The following SSPN variants were observed in gnomAD, a reference collection of about 807,000 sequenced individuals.
SSPN encodes K-ras oncogene-associated protein.
SSPN carries 15 observed loss-of-function variants against 19.1 expected under a neutral mutation model. That is an observed-to-expected ratio of 0.78 (90% CI 0.52 to 1.21). SSPN has a LOEUF of 1.21. Among genes scored for constraint, SSPN ranks in the 50% most tolerant of loss-of-function variants. The pLI is 0.00. For synonymous variants in SSPN, 147 were observed against 140.3 expected (o/e 1.05, Z -0.34); for missense variants, 291 against 314.0 (o/e 0.93, Z 0.55).
rs948989828 is a variant in SSPN, at chr12:26,176,307, T to C, written c.-30-47986T>C. ...CCTTTTATAGATAGAAGACTCATAA[T>C]CATCAGATTGCCATAGAATATTTGA... On this transcript the variant is annotated intron_variant, in intron 1 of 2. Coordinates refer to the SSPN transcript ENST00000538142. 3.3e-5 allele frequency among the ~76,000 whole-genome samples: 5 copies of C among 152,376 alleles called. No individual in the cohort carries two copies. In the East Asian group the frequency reaches 9.6e-4, roughly 29 times the overall value.
At chr12:26,220,443 TATGAC>T (rs1945108082) in intron 1 of SSPN, among the ~76,000 whole-genome samples, 1 of 152,216 alleles carries the variant, frequency 6.6e-6, no homozygotes, top group African/African-American at 2.4e-5. Context: ...GATTTTTAGA[TATGAC>T]ATGACATAGA....
chr12:26,216,052 G>A (rs1393384644), intron 1 of SSPN, among the ~76,000 whole-genome samples: 5 of 152,170 alleles, frequency 3.3e-5, no homozygotes, highest in Non-Finnish European at 7.4e-5. Context: ...TACATGTCAA[G>A]TGTTCAGCAC....
chr12:26,138,450 A>G (rs1462639050), intron 1 of SSPN, among the ~76,000 whole-genome samples: 1 of 152,204 alleles, frequency 6.6e-6, no homozygotes. Flanking sequence ...CATTTTCTAG[A>G]TAGGGGCTAT....
Position 26,195,642 on chromosome 12 carries a change from C to CGGGGGGG in SSPN, c.-31_-30insGGGGGGG. On this transcript the variant is annotated 5_prime_UTR_variant, in exon 1 of 3. Transcript: ENST00000242729. The stretch of plus-strand genomic sequence containing the variant: ...TCCAGGGCCCAGGGCGCCGCACACG[C>CGGGGGGG]ACCCACCCACCCACCCAGCCTCGCA... 7 of 907,502 alleles carry CGGGGGGG rather than the reference C, an allele frequency of 7.7e-6. No homozygotes were observed. Among genetic ancestry groups the CGGGGGGG allele is most frequent in the Non-Finnish European group, 9.7e-6 (7 of 720,050 alleles). The allele number at this position is 907,502 out of a possible 1,614,324, so 56.2% of individuals were successfully genotyped here.
At chr12:26,133,269 C>T (rs1458203717) in intron 1 of SSPN, among the ~76,000 whole-genome samples, 2 of 152,144 alleles carry the variant, frequency 1.3e-5, no homozygotes, top group Non-Finnish European at 2.9e-5. Context: ...GACCTTTAAA[C>T]GAAGAATGCG....
At chr12:26,192,444 G>A (rs1944795013), upstream of SSPN, among the ~76,000 whole-genome samples, 1 of 152,160 alleles carries the variant, frequency 6.6e-6, no homozygotes, top group African/African-American at 2.4e-5. Flanking sequence ...TCAGTGGAAA[G>A]GACATGTAAA....
At chr12:26,133,473 T>C (rs1944407804) in intron 1 of SSPN, among the ~76,000 whole-genome samples, 1 of 152,188 alleles carries the variant, frequency 6.6e-6, no homozygotes, top group Non-Finnish European at 1.5e-5. Context: ...AGTTAGGGTC[T>C]AGTAAGGAAG....
intron 1 of SSPN, among the ~76,000 whole-genome samples, chr12:26,150,433 A>AT (rs1565672771): frequency 1.3e-5 from 2 of 152,144 alleles, no homozygotes; most frequent in East Asian, 3.9e-4. Flanking sequence ...TGGTTTAATT[A>AT]TTTTTTTCAT....
chr12:26,160,087 AG>A (rs1329816309), intron 1 of SSPN, among the ~76,000 whole-genome samples: 5 of 152,196 alleles, frequency 3.3e-5, no homozygotes, highest in African/African-American at 1.2e-4. Flanking sequence ...TTCAGCACAA[AG>A]GTCTGGGGAG....
intron 1 of SSPN, among the ~76,000 whole-genome samples, chr12:26,178,436 T>G (rs1017550374): frequency 1.3e-5 from 2 of 152,118 alleles, no homozygotes; most frequent in African/African-American, 4.8e-5. Flanking sequence ...GATGGAAATC[T>G]GAAGCACAGA....
intron 1 of SSPN, chr12:26,122,581 C>A: frequency 9.0e-7 from 1 of 1,109,448 alleles, no homozygotes; most frequent in Non-Finnish European, 1.1e-6. Context: ...AGCGCGGCCG[C>A]GGCGGCAGGG....
intron 1 of SSPN, among the ~76,000 whole-genome samples, chr12:26,130,402 A>G (rs1007091028): frequency 6.6e-6 from 1 of 152,210 alleles, no homozygotes; most frequent in Non-Finnish European, 1.5e-5. Flanking sequence ...GTTGTCAGTA[A>G]CAGATATTTC....
At chr12:26,192,595 A>G (rs1480941861), upstream of SSPN, among the ~76,000 whole-genome samples, 3 of 152,220 alleles carry the variant, frequency 2.0e-5, no homozygotes, top group Admixed American at 6.5e-5. Flanking sequence ...CCTCGTCACT[A>G]TCATCTTATG....
chr12:26,124,056 A>G (rs1944339890), intron 1 of SSPN: 1 of 1,532,998 alleles, frequency 6.5e-7, no homozygotes, highest in Non-Finnish European at 9.0e-7. Flanking sequence ...GCAAAGAATG[A>G]AAATGTGCAT....
At chr12:26,144,761 A>G (rs533917460) in intron 1 of SSPN, among the ~76,000 whole-genome samples, 5 of 152,354 alleles carry the variant, frequency 3.3e-5, no homozygotes, top group African/African-American at 1.2e-4. Flanking sequence ...TTGAAAGAAT[A>G]GATGGTTTTG....
intron 1 of SSPN, among the ~76,000 whole-genome samples, chr12:26,172,586 T>G (rs1030170810): frequency 4.6e-5 from 7 of 152,244 alleles, no homozygotes; most frequent in African/African-American, 1.4e-4. Flanking sequence ...AAACGGCATT[T>G]GCATTGCTGT....
At chr12:26,154,692 A>G (rs1944545719) in intron 1 of SSPN, among the ~76,000 whole-genome samples, 2 of 152,224 alleles carry the variant, frequency 1.3e-5, no homozygotes, top group Admixed American at 1.3e-4. Context: ...GTAGGTAAAC[A>G]TTTCAGCTGA....
At chr12:26,207,761 CAAG>C (rs1471619274) in intron 1 of SSPN, among the ~76,000 whole-genome samples, 1 of 152,086 alleles carries the variant, frequency 6.6e-6, no homozygotes, top group Non-Finnish European at 1.5e-5. Flanking sequence ...TTTGGGAGGC[CAAG>C]GCGGGAGGAT....
At chr12:26,213,960 G>A (rs1469629764) in intron 1 of SSPN, among the ~76,000 whole-genome samples, 2 of 152,052 alleles carry the variant, frequency 1.3e-5, no homozygotes, top group African/African-American at 4.8e-5. Context: ...CCTGGCACAT[G>A]GTAGTTACAC....
Sources: allele counts gnomAD v4.1 joint callset (sites outside exome capture counted in the v4.1 genomes callset), GRCh38; gene constraint gnomAD v4.1.1; transcripts MANE v1.5; gene names NCBI Gene and HGNC (gene_info 2026-07-23, HGNC 2026-07-21).